The following EPPK1 variants were observed in gnomAD, a reference collection of about 807,000 sequenced individuals.
EPPK1 encodes the protein epiplakin.
For missense variants in EPPK1, 3,823 were observed against 3,673.3 expected (o/e 1.04, Z -1.05); for synonymous variants, 1,862 against 1,721.2 (o/e 1.08, Z -2.03).
Position 143,867,150 on chromosome 8 carries a change from C to G in EPPK1, c.6104G>C (p.Cys2035Ser). 1 of 1,612,774 alleles carries G rather than the reference C, an allele frequency of 6.2e-7. No homozygotes were observed. Among genetic ancestry groups the G allele is most frequent in the Non-Finnish European group, 8.5e-7 (1 of 1,179,688 alleles). The change falls in exon 2 of 2, where the codon TGT becomes TCT. Residue 2035 changes from cysteine (C) to serine (S), a missense_variant. Physicochemically the swap from Cys to Ser is moderately radical, Grantham distance 112. Coordinates refer to ENST00000615648, the MANE Select transcript of EPPK1 (RefSeq NM_031308.4). Reference sequence around the variant, plus strand: ...GAGCGCATAGATGTCCTTGTGCAGACAGCCCCGTCTGTAGGCTGTTTCCAG... The same window carrying G: ...GAGCGCATAGATGTCCTTGTGCAGAGAGCCCCGTCTGTAGGCTGTTTCCAG... ...LPLETAYRRGCLHKDIYALIS... is the reference protein window; with the variant it reads ...LPLETAYRRGSLHKDIYALIS...
rs540149900 is a variant in EPPK1 at position 143,871,159 on chromosome 8, G to T, written c.2095C>A (p.Gln699Lys). Residue 699 changes from glutamine (Q) to lysine (K), a missense_variant, in exon 2 of 2, where the codon CAG becomes AAG. Coordinates refer to ENST00000615648, the MANE Select transcript of EPPK1 (RefSeq NM_031308.4). ...TGCATGGCCTGGAAGAGGGAGATCT[G>T]CTGCCCGGTGTAGGGGTCAGTGTAG... ...TGYTDPYTGQQISLFQAMQKG... is the reference protein window; with the variant it reads ...TGYTDPYTGQKISLFQAMQKG... The T allele has an allele frequency of 3.7e-6, 6 of 1,613,220 alleles. No homozygotes were observed. In the South Asian group the frequency reaches 6.6e-5, roughly 18 times the overall value.
At position 143,857,987 on chromosome 8, in the gene EPPK1, T is replaced by C; in HGVS notation, c.15267A>G (p.Ter5089TrpextTer34). 1.3e-6 allele frequency: 2 copies of C among 1,580,852 alleles called. No homozygotes were observed. The highest frequency in any genetic ancestry group is 1.1e-5 in the South Asian group (1 of 88,392). Residue 5089 changes from the stop codon to tryptophan, a stop_lost, in exon 2 of 2, where the codon TGA (stop) becomes TGG (tryptophan). Coordinates refer to ENST00000615648, the MANE Select transcript of EPPK1 (RefSeq NM_031308.4). ...AGAAAACTGCACGGAGGAAGCCCAGTCACTGTAGAGAGAGAGAAAGAAATA... is the reference window on the plus strand; with the variant it reads ...AGAAAACTGCACGGAGGAAGCCCAGCCACTGTAGAGAGAGAGAAAGAAATA... ...GLLFLSLSLQ[*>W]
rs782618104 is a variant in EPPK1 at position 143,871,363 on chromosome 8, A to C, written c.1891T>G (p.Cys631Gly). The change falls in exon 2 of 2, where the codon TGC becomes GGC. Residue 631 changes from cysteine (C) to glycine (G), a missense_variant. Physicochemically the swap from Cys to Gly is radical, Grantham distance 159 (BLOSUM62 -3). Transcript: ENST00000615648. Reference protein sequence around the residue: ...QERLSIYEARCKGLLRPGTAL... With the variant: ...QERLSIYEARGKGLLRPGTAL... Reference sequence around the variant, plus strand: ...GTGCCGGGCCGGAGGAGCCCCTTGCATCGGGCCTCATAGATGCTCAGGCGT... The same window carrying C: ...GTGCCGGGCCGGAGGAGCCCCTTGCCTCGGGCCTCATAGATGCTCAGGCGT... 5 of 1,608,734 alleles carry C rather than the reference A, an allele frequency of 3.1e-6. No individual in the cohort carries two copies. The East Asian group carries it at 1.1e-4, about 36-fold the overall frequency.
rs781802244 is a variant in EPPK1 at position 143,866,633 on chromosome 8, C to T, written c.6621G>A (p.Thr2207=). The change falls in exon 2 of 2, where the codon ACG becomes ACA. Residue 2207 remains threonine (T), a synonymous_variant. Transcript: ENST00000615648. ...CGCGGTCGTCCTCCATGAGCTCTTG[C>T]GTCGTGCTCCGTCCCGTTTCCAGGT... ...LQDLETGRST[T]QELMEDDRVK... 21 of 1,612,872 alleles carry T rather than the reference C, an allele frequency of 1.3e-5. No homozygotes were observed. Among genetic ancestry groups the T allele is most frequent in the South Asian group, 5.5e-5 (5 of 91,090 alleles).
intron 1 of EPPK1, among the ~76,000 whole-genome samples, chr8:143,874,481 G>A (rs1005240765): frequency 5.9e-5 from 9 of 152,212 alleles, no homozygotes; most frequent in African/African-American, 1.9e-4. Flanking sequence ...GAGGGCGGCC[G>A]TGTGACGACA....
rs1586695106 is a variant in EPPK1 at position 143,869,961 on chromosome 8, A to G, written c.3293T>C (p.Leu1098Pro). ...DGQGRTSYAQ[L>P]LEECPRDETS... ...CTCATCCCTGGGGCACTCCTCCAGG[A>G]GCTGGGCATAGCTCGTGCGCCCCTG... The change falls in exon 2 of 2, where the codon CTC becomes CCC. Residue 1098 changes from leucine (L) to proline (P), a missense_variant. Physicochemically the swap from Leu to Pro is moderately conservative, Grantham distance 98. Coordinates refer to ENST00000615648, the MANE Select transcript of EPPK1 (RefSeq NM_031308.4). 1 of 1,606,100 alleles carries G rather than the reference A, an allele frequency of 6.2e-7. No individual in the cohort carries two copies. The highest frequency in any genetic ancestry group is 8.5e-7 in the Non-Finnish European group (1 of 1,176,158).
At chr8:143,877,033 CA>C (rs1173034435) in intron 1 of EPPK1, among the ~76,000 whole-genome samples, 2 of 152,266 alleles carry the variant, frequency 1.3e-5, no homozygotes, top group Non-Finnish European at 2.9e-5. Context: ...AGAGGAGATC[CA>C]GGGAGGAAGG....
At position 143,867,119 on chromosome 8, in the gene EPPK1, G is replaced by A. The variant is rs782583923; in HGVS notation, c.6135C>T (p.Ser2045=). The A allele has an allele frequency of 2.3e-5, 37 of 1,612,806 alleles. No homozygotes were observed. The highest frequency in any genetic ancestry group is 3.0e-5 in the Non-Finnish European group (35 of 1,179,828). ...ACCGTTTCCTCATGTGCTTCTGGTCGGAAATGAGCGCATAGATGTCCTTGT... is the reference window on the plus strand; with the variant it reads ...ACCGTTTCCTCATGTGCTTCTGGTCAGAAATGAGCGCATAGATGTCCTTGT... The part of the protein sequence containing the change: ...CLHKDIYALI[S]DQKHMRKRFV... Residue 2045 remains serine (S), a synonymous_variant, in exon 2 of 2, where the codon TCC becomes TCT. Transcript: ENST00000615648.
chr8:143,864,105 C>G lies in EPPK1; in HGVS notation c.9149G>C (p.Arg3050Pro). ...AEAGSPRPDP[R>P]EALRAATMEV... ...CATGGTGGCCGCACGCAGGGCCTCC[C>G]GGGGGTCTGGGCGCGGGCTCCCGGC... Residue 3050 changes from arginine (R) to proline (P), a missense_variant, in exon 2 of 2, where the codon CGG becomes CCG. Arg to Pro is a moderately radical substitution (Grantham distance 103). Transcript: ENST00000615648. The G allele has an allele frequency of 4.7e-6, 1 of 211,692 alleles. No individual in the cohort carries two copies. The allele number at this position is 211,692 out of a possible 1,614,324, so 13.1% of individuals were successfully genotyped here.
At position 143,872,429 on chromosome 8, in the gene EPPK1, G is replaced by A. The variant is rs370817247; in HGVS notation, c.825C>T (p.Ala275=). 5.0e-6 allele frequency: 8 copies of A among 1,600,656 alleles called. No individual in the cohort carries two copies. Among genetic ancestry groups the A allele is most frequent in the African/African-American group, 4.0e-5 (3 of 74,914 alleles). ...RLAAVDVSAR[A]EVRRYLEGTG... ...TACCCTCCAGGTAGCGCCGCACCTCGGCACGTGCACTCACGTCCACTGCGG... is the reference window on the plus strand; with the variant it reads ...TACCCTCCAGGTAGCGCCGCACCTCAGCACGTGCACTCACGTCCACTGCGG... Residue 275 remains alanine (A), a synonymous_variant, in exon 2 of 2, where the codon GCC becomes GCT. Transcript: ENST00000615648.
chr8:143,867,284 G>T lies in EPPK1; in HGVS notation c.5970C>A (p.Phe1990Leu), dbSNP rs1554659405. The T allele has an allele frequency of 1.9e-6, 3 of 1,612,356 alleles. No homozygotes were observed. Among genetic ancestry groups the T allele is most frequent in the Middle Eastern group, 1.7e-4 (1 of 6,058 alleles). ...CGATGAGCTGCTTCTGCATGGCCTG[G>T]AACAGCGGGATCGTGTCTCCTGTGG... Reference protein sequence around the residue: ...DPATGDTIPLFQAMQKQLIEK... With the variant: ...DPATGDTIPLLQAMQKQLIEK... The change falls in exon 2 of 2, where the codon TTC (phenylalanine) becomes TTA (leucine). Residue 1990 changes from phenylalanine (F) to leucine (L), a missense_variant. Transcript: ENST00000615648.
At position 143,869,317 on chromosome 8, in the gene EPPK1, G is replaced by C. The variant is rs1484417048; in HGVS notation, c.3937C>G (p.Leu1313Val). ...TCGGCCTGCCCGAGCTGCTCACTCA[G>C]CTCCCTGCCCACCAGGCCGACCTTA... ...AVKVGLVGRE[L>V]SEQLGQAERA... is the part of the protein sequence containing the mutation. Residue 1313 changes from leucine to valine, a missense_variant, in exon 2 of 2, where the codon CTG (leucine) becomes GTG (valine). Coordinates refer to ENST00000615648, the MANE Select transcript of EPPK1 (RefSeq NM_031308.4). 1.2e-6 allele frequency: 2 copies of C among 1,606,136 alleles called. No homozygotes were observed. Among genetic ancestry groups the C allele is most frequent in the Non-Finnish European group, 1.7e-6 (2 of 1,176,206 alleles).
At position 143,871,239 on chromosome 8, in the gene EPPK1, A is replaced by T. The variant is rs1554661078; in HGVS notation, c.2015T>A (p.Val672Asp). The change falls in exon 2 of 2, where the codon GTC (valine) becomes GAC (aspartate). Residue 672 changes from valine to aspartate, a missense_variant. Val to Asp is a radical substitution (Grantham distance 152). Transcript: ENST00000615648. ...CTTCGCGAACACATCAGGCCCAATG[A>T]CAGCAGCCCTCAGTGCCTCCTCAAC... ...HSVEEALRAA[V>D]IGPDVFAKLL... 1 of 1,613,144 alleles carries T rather than the reference A, an allele frequency of 6.2e-7. No homozygotes were observed. Among genetic ancestry groups the T allele is most frequent in the East Asian group, 2.2e-5 (1 of 44,888 alleles).
Position 143,868,030 on chromosome 8 carries a change from G to T in EPPK1, c.5224C>A (p.Leu1742Ile). ...NTHENLTYLQLLERCVEDPET... is the reference protein window; with the variant it reads ...NTHENLTYLQILERCVEDPET... ...GGGTCCTCCACACAGCGCTCCAGAAGCTGCAGGTACGTGAGGTTCTCGTGC... is the reference window on the plus strand; with the variant it reads ...GGGTCCTCCACACAGCGCTCCAGAATCTGCAGGTACGTGAGGTTCTCGTGC... Residue 1742 changes from leucine to isoleucine, a missense_variant, in exon 2 of 2, where the codon CTT (leucine) becomes ATT (isoleucine). Transcript: ENST00000615648. 1 of 1,613,682 alleles carries T rather than the reference G, an allele frequency of 6.2e-7. No individual in the cohort carries two copies. Among genetic ancestry groups the T allele is most frequent in the South Asian group, 1.1e-5 (1 of 91,080 alleles).
In EPPK1 at chr8:143,869,354, C is replaced by T. The variant is rs370738691; in HGVS notation, c.3900G>A (p.Val1300=). The change falls in exon 2 of 2, where the codon GTG becomes GTA. Residue 1300 remains valine, a synonymous_variant. Coordinates refer to ENST00000615648, the MANE Select transcript of EPPK1 (RefSeq NM_031308.4). ...CCAGGCCGACCTTAACCGCGTCCTCCACTGACAGTCTCTGGTTGTTCAGGG... is the reference window on the plus strand; with the variant it reads ...CCAGGCCGACCTTAACCGCGTCCTCTACTGACAGTCTCTGGTTGTTCAGGG... ...VDPLNNQRLS[V]EDAVKVGLVG... The T allele has an allele frequency of 4.8e-5, 78 of 1,610,844 alleles. No individual in the cohort carries two copies. The African/African-American group carries it at 9.9e-4, about 20-fold the overall frequency.
Position 143,867,528 on chromosome 8 carries a change from T to TC in EPPK1, c.5725dup (p.Glu1909GlyfsTer7), listed in dbSNP as rs545377325. 115 of 1,612,602 alleles carry TC rather than the reference T, an allele frequency of 7.1e-5. 3 individuals are homozygous for TC. In the South Asian group the frequency reaches 1.2e-3, roughly 16 times the overall value. On this transcript the variant is annotated frameshift_variant, in exon 2 of 2. Coordinates refer to ENST00000615648, the MANE Select transcript of EPPK1 (RefSeq NM_031308.4). LOFTEE classifies it low-confidence loss of function (END_TRUNC). ...GCTGGCCTCATGGAGGCTCATGACCTCCCTGGTGGAGGGCACCGTGACCCC... is the reference window on the plus strand; with the variant it reads ...GCTGGCCTCATGGAGGCTCATGACCTCCCCTGGTGGAGGGCACCGTGACCCC...
Position 143,867,854 on chromosome 8 carries a change from C to T in EPPK1, c.5400G>A (p.Leu1800=). 6.2e-7 allele frequency: 1 copy of T among 1,613,262 alleles called. No homozygotes were observed. Among genetic ancestry groups the T allele is most frequent in the Non-Finnish European group, 8.5e-7 (1 of 1,179,636 alleles). The change falls in exon 2 of 2, where the codon CTG becomes CTA. Residue 1800 remains leucine (L), a synonymous_variant. Transcript: ENST00000615648. Reference sequence around the variant, plus strand: ...TGTCCTCTGTGAAGTATGGAGAGGACAGCAGGTCCCAGAAAGAGACCACCT... The same window carrying T: ...TGTCCTCTGTGAAGTATGGAGAGGATAGCAGGTCCCAGAAAGAGACCACCT... The part of the protein sequence containing the change: ...ADQVVSFWDL[L]SSPYFTEDRK...
Position 143,866,896 on chromosome 8 carries a change from G to T in EPPK1, c.6358C>A (p.Pro2120Thr). Residue 2120 changes from proline (P) to threonine (T), a missense_variant, in exon 2 of 2, where the codon CCA becomes ACA. Physicochemically the swap from Pro to Thr is conservative, Grantham distance 38 (BLOSUM62 -1). Transcript: ENST00000615648. ...ITVGRFRGQKPTLWALLNSEY... is the reference protein window; with the variant it reads ...ITVGRFRGQKTTLWALLNSEY... ...GAATTCAGTAGTGCCCACAGTGTTG[G>T]TTTCTGGCCTCTGAACCTTCCCACT... is the stretch of plus-strand genomic sequence containing the variant. 1 of 1,613,106 alleles carries T rather than the reference G, an allele frequency of 6.2e-7. No homozygotes were observed. The highest frequency in any genetic ancestry group is 8.5e-7 in the Non-Finnish European group (1 of 1,179,822).
In EPPK1 at chr8:143,866,659, C is replaced by G; in HGVS notation, c.6595G>C (p.Asp2199His). The part of the protein sequence containing the change: ...SAIITEEMLQ[D>H]LETGRSTTQE... ...GTCGTGCTCCGTCCCGTTTCCAGGT[C>G]CTGGAGCATTTCCTCCGTGATTATG... is the stretch of plus-strand genomic sequence containing the variant. Residue 2199 changes from aspartate to histidine, a missense_variant, in exon 2 of 2, where the codon GAC becomes CAC. Transcript: ENST00000615648. The G allele has an allele frequency of 6.2e-7, 1 of 1,613,158 alleles. No homozygotes were observed. The highest frequency in any genetic ancestry group is 8.5e-7 in the Non-Finnish European group (1 of 1,179,890).
Sources: allele counts gnomAD v4.1 joint callset (sites outside exome capture counted in the v4.1 genomes callset), GRCh38; gene constraint gnomAD v4.1.1; transcripts MANE v1.5; gene names NCBI Gene and HGNC (gene_info 2026-07-23, HGNC 2026-07-21).